Variants in SETD2 observed in about 807,000 individuals in gnomAD.
SETD2 encodes the protein histone-lysine N-methyltransferase SETD2.
In SETD2, 31 loss-of-function variants were observed where a neutral mutation model predicts 242.1. The ratio of observed to expected loss-of-function variants is 0.13; its 90% CI spans 0.10 to 0.17. The LOEUF is 0.17. Ranked by LOEUF, SETD2 falls within the 10% of genes least tolerant of loss-of-function variation. The pLI is 1.00. For synonymous variants in SETD2, 1,006 were observed against 1,066.5 expected, an observed-to-expected ratio of 0.94 and a Z score of 1.11; for missense variants, 2,481 against 3,046.3, an observed-to-expected ratio of 0.81 and a Z score of 4.37.
chr3:47,102,111 G>A (rs1188594560), intron 7 of SETD2, among the ~76,000 whole-genome samples: 1 of 152,182 alleles, frequency 6.6e-6, no homozygotes, highest in East Asian at 1.9e-4. Flanking sequence ...ATTAAAATGG[G>A]GGCAGATACA....
chr3:47,099,942 T>C (rs988505442), intron 8 of SETD2, among the ~76,000 whole-genome samples: 1 of 152,090 alleles, frequency 6.6e-6, no homozygotes, highest in Admixed American at 6.6e-5. Context: ...ATTGGTTGAC[T>C]AATATACCTT....
At chr3:47,125,182 G>A (rs2106734709) in intron 2 of SETD2, among the ~76,000 whole-genome samples, 1 of 152,096 alleles carries the variant, frequency 6.6e-6, no homozygotes, top group Middle Eastern at 3.4e-3. Flanking sequence ...AGCAGGGTGT[G>A]GCAGCATGCA....
chr3:47,162,684 C>G (rs931099554), intron 1 of SETD2, among the ~76,000 whole-genome samples: 2 of 152,176 alleles, frequency 1.3e-5, no homozygotes, highest in Admixed American at 1.3e-4. Flanking sequence ...AACAGCAAAG[C>G]TCTTGGAATC....
chr3:47,141,424 A>C (rs749342742), intron 1 of SETD2, among the ~76,000 whole-genome samples: 1 of 152,170 alleles, frequency 6.6e-6, no homozygotes, highest in Non-Finnish European at 1.5e-5. Context: ...AGCTCTTTCA[A>C]GTTACAGCCT....
chr3:47,138,539 A>G (rs914135512), intron 1 of SETD2, among the ~76,000 whole-genome samples: 31 of 152,196 alleles, frequency 2.0e-4, no homozygotes, highest in African/African-American at 7.2e-4. Flanking sequence ...CTCCTGCCTC[A>G]GCCTCCCAAC....
intron 1 of SETD2, among the ~76,000 whole-genome samples, chr3:47,156,343 A>C (rs756508962): frequency 3.3e-5 from 5 of 152,266 alleles, no homozygotes; most frequent in Non-Finnish European, 7.3e-5. Context: ...TGGAAACACC[A>C]AAGTCCTGCT....
intron 9 of SETD2, among the ~76,000 whole-genome samples, chr3:47,094,963 CAG>C (rs999069936): frequency 2.6e-5 from 4 of 152,300 alleles, no homozygotes; most frequent in Non-Finnish European, 5.9e-5. Context: ...CTTAGTTCTT[CAG>C]AGTTATCCTT....
At chr3:47,143,336 C>T (rs550042525) in intron 1 of SETD2, among the ~76,000 whole-genome samples, 49 of 152,156 alleles carry the variant, frequency 3.2e-4, no homozygotes, top group African/African-American at 1.1e-3. Flanking sequence ...AAAACCTTAA[C>T]AAAAGTAGAC....
intron 17 of SETD2, among the ~76,000 whole-genome samples, chr3:47,039,711 CAAAA>C (rs554753105): frequency 7.9e-5 from 8 of 101,606 alleles, no homozygotes; most frequent in Non-Finnish European, 5.8e-5. Flanking sequence ...ACCGAAAATA[CAAAA>C]AAAAAAAAAA....
rs1183881599 is a variant in SETD2, at chr3:47,048,470, A to G, written c.6964-1849T>C. 7.2e-5 allele frequency among the ~76,000 whole-genome samples: 11 copies of G among 152,318 alleles called. No homozygotes were observed. In the East Asian group the frequency reaches 1.4e-3, roughly 19 times the overall value. ...TGCAGGACTGGAAGTTGCTTTGAGT[A>G]AGTGAGTGGTGAGTGAGTGAATATG... On this transcript the variant is annotated intron_variant, in intron 15 of 20. Transcript: ENST00000409792.
intron 18 of SETD2, among the ~76,000 whole-genome samples, chr3:47,021,553 G>C (rs921629207): frequency 6.6e-6 from 1 of 152,060 alleles, no homozygotes; most frequent in Non-Finnish European, 1.5e-5. Context: ...GAGCTTTCTT[G>C]GTCCTCCTGA....
intron 1 of SETD2, among the ~76,000 whole-genome samples, chr3:47,128,150 T>C (rs1486743962): frequency 2.6e-5 from 4 of 152,244 alleles, no homozygotes; most frequent in Admixed American, 2.0e-4. Context: ...AGAAGAATCA[T>C]ATTTCATCTT....
At position 47,163,879 on chromosome 3, in the gene SETD2, A is replaced by C; in HGVS notation, c.46T>G (p.Tyr16Asp). The change falls in exon 1 of 21, where the codon TAC becomes GAC. Residue 16 changes from tyrosine (Y) to aspartate (D), a missense_variant. By Grantham distance (160) the Tyr-to-Asp change is radical. Transcript: ENST00000409792. ...TCAGGGGTCGGGTGCTCCGGGTCGTAGAAATCCCCCATCTTCGGAGGCGGC... is the reference window on the plus strand; with the variant it reads ...TCAGGGGTCGGGTGCTCCGGGTCGTCGAAATCCCCCATCTTCGGAGGCGGC... ...PQPPPKMGDF[Y>D]DPEHPTPEEE... 1 of 1,319,672 alleles carries C rather than the reference A, an allele frequency of 7.6e-7. No homozygotes were observed. The highest frequency in any genetic ancestry group is 9.7e-7 in the Non-Finnish European group (1 of 1,028,284). The allele number at this position is 1,319,672 out of a possible 1,614,324, so 81.7% of individuals were successfully genotyped here. A position where few individuals can be genotyped will look rare whatever the true frequency, so the allele number is the denominator to read the frequency against.
intron 18 of SETD2, among the ~76,000 whole-genome samples, chr3:47,030,230 A>G (rs1360866985): frequency 2.0e-5 from 3 of 152,174 alleles, no homozygotes; most frequent in African/African-American, 7.2e-5. Context: ...ATAAAAAAGA[A>G]ATTAAAACTA....
At chr3:47,057,525 C>T (rs1285539308) in intron 14 of SETD2, 35 bp from the exon 15 acceptor site, 1 of 1,523,434 alleles carries the variant, frequency 6.6e-7, no homozygotes, top group Non-Finnish European at 9.1e-7. Flanking sequence ...AAAGTTGCTC[C>T]CTAAATCATA....
At chr3:47,105,523 ATGTTTT>A in intron 6 of SETD2, 8 of 232,440 alleles carry the variant, frequency 3.4e-5, no homozygotes, top group South Asian at 3.3e-4. Context: ...TCTCTCTTCC[ATGTTTT>A]TATTTTCTAC....
intron 12 of SETD2, among the ~76,000 whole-genome samples, chr3:47,081,840 A>G (rs1413186985): frequency 6.6e-6 from 1 of 152,246 alleles, no homozygotes; most frequent in Non-Finnish European, 1.5e-5. Flanking sequence ...AGAGCAAACT[A>G]AAGTTTGAAG....
chr3:47,039,515 A>T (rs2039176132), intron 17 of SETD2, among the ~76,000 whole-genome samples: 1 of 151,786 alleles, frequency 6.6e-6, no homozygotes, highest in African/African-American at 2.4e-5. Flanking sequence ...GTCCGGCCCA[A>T]ACTTTTTTTA....
At chr3:47,100,263 T>C (rs574904897) in intron 8 of SETD2, among the ~76,000 whole-genome samples, 6 of 151,464 alleles carry the variant, frequency 4.0e-5, no homozygotes, top group Admixed American at 4.0e-4. Flanking sequence ...TTTTTGTTCG[T>C]TTGCTTTTTA....
Sources: allele counts gnomAD v4.1 joint callset (sites outside exome capture counted in the v4.1 genomes callset), GRCh38; gene constraint gnomAD v4.1.1; transcripts MANE v1.5; gene names NCBI Gene and HGNC (gene_info 2026-07-23, HGNC 2026-07-21).